The following CWC27 variants were observed in gnomAD, a reference collection of about 807,000 sequenced individuals.
The protein encoded by CWC27 is CWC27 spliceosome associated cyclophilin.
CWC27 carries 47 observed loss-of-function variants against 63.6 expected under a neutral mutation model. That is an observed-to-expected ratio of 0.74 (90% CI 0.58 to 0.94). CWC27 has a LOEUF of 0.94. Among genes scored for constraint, CWC27 ranks in the 40% least tolerant of loss-of-function variants. The pLI, the probability that CWC27 is intolerant of heterozygous loss-of-function variation, is 0.00. For synonymous variants in CWC27, 175 were observed against 179.8 expected (o/e 0.97, Z 0.22); for missense variants, 495 against 554.3 (o/e 0.89, Z 1.07).
intron 11 of CWC27, among the ~76,000 whole-genome samples, chr5:64,963,139 T>A (rs781482827): frequency 1.9e-4 from 29 of 151,984 alleles, no homozygotes; most frequent in East Asian, 5.8e-4. Flanking sequence ...TTTTTGTATT[T>A]TTAGTAGAGA....
At chr5:64,804,208 A>C in intron 9 of CWC27, 21 bp from the exon 10 acceptor site, 14 of 1,572,002 alleles carry the variant, frequency 8.9e-6, no homozygotes, top group Non-Finnish European at 1.2e-5. Context: ...CCTGGCAAAT[A>C]CTCATTTTCC....
At chr5:64,885,616 G>T in intron 11 of CWC27, 70 bp downstream of exon 11, 1 of 1,107,250 alleles carries the variant, frequency 9.0e-7, no homozygotes, top group Non-Finnish European at 1.3e-6. Context: ...GCTCCTCCCT[G>T]CCCGCTCCCG....
chr5:64,896,701 G>C (rs1211353503), intron 11 of CWC27, among the ~76,000 whole-genome samples: 1 of 150,688 alleles, frequency 6.6e-6, no homozygotes, highest in Non-Finnish European at 1.5e-5. Flanking sequence ...ACCCAAAGGG[G>C]ATAAGAAAGG....
intron 10 of CWC27, among the ~76,000 whole-genome samples, chr5:64,812,712 C>T (rs1403358442): frequency 6.6e-6 from 1 of 151,982 alleles, no homozygotes; most frequent in Non-Finnish European, 1.5e-5. Flanking sequence ...TTCGTGTTCC[C>T]AGCCACTGTG....
chr5:64,860,386 AC>A (rs1229136096), intron 10 of CWC27, among the ~76,000 whole-genome samples: 1 of 152,160 alleles, frequency 6.6e-6, no homozygotes, highest in Non-Finnish European at 1.5e-5. Flanking sequence ...GCTTTTGTCT[AC>A]CCCGACTGTT....
In CWC27 at chr5:64,824,728, CTTTTTTTTTTT is replaced by C. The variant is rs768576527; in HGVS notation, c.938+20354_938+20364del. Among the ~76,000 whole-genome samples the C allele has an allele frequency of 2.0e-4, 18 of 91,982 alleles. No homozygotes were observed. In the East Asian group the frequency reaches 2.2e-3, roughly 11 times the overall value. The allele number at this position is 91,982 out of a possible 152,430, so 60.3% of individuals were successfully genotyped here. On this transcript the variant is annotated intron_variant, in intron 10 of 13. Transcript: ENST00000381070. Reference sequence around the variant, plus strand: ...CAGGGGAAGTGTTCCTTTCTTTTCTCTTTTTTTTTTTTTTTTTTTTTTGAGATGGAGTCTCA... The same window carrying C: ...CAGGGGAAGTGTTCCTTTCTTTTCTCTTTTTTTTTTTGAGATGGAGTCTCA...
intron 10 of CWC27, chr5:64,807,844 C>A: frequency 6.6e-7 from 1 of 1,522,638 alleles, no homozygotes; most frequent in Non-Finnish European, 8.8e-7. Context: ...TTCTCTTCCC[C>A]GCTTCGAGAG....
intron 4 of CWC27, 105 bp from the exon 5 acceptor site, chr5:64,785,376 A>G: frequency 3.9e-6 from 2 of 518,828 alleles, no homozygotes; most frequent in Non-Finnish European, 6.5e-6. Context: ...ATGTAATCAC[A>G]TGAAATTTTC....
intron 11 of CWC27, among the ~76,000 whole-genome samples, chr5:64,949,224 AAAC>A (rs1748653078): frequency 6.6e-6 from 1 of 152,050 alleles, no homozygotes; most frequent in Non-Finnish European, 1.5e-5. Flanking sequence ...TTTTAGAGAC[AAAC>A]AACATTTATC....
chr5:64,899,569 G>A (rs1747455679), intron 11 of CWC27, among the ~76,000 whole-genome samples: 2 of 152,162 alleles, frequency 1.3e-5, no homozygotes, highest in African/African-American at 4.8e-5. Flanking sequence ...TTTCAGATAA[G>A]AGCTATGAAC....
At chr5:64,923,363 G>A (rs1422914389) in intron 11 of CWC27, among the ~76,000 whole-genome samples, 3 of 151,840 alleles carry the variant, frequency 2.0e-5, no homozygotes, top group African/African-American at 7.3e-5. Flanking sequence ...AGACAGTCGG[G>A]CTCCCTCCAG....
intron 13 of CWC27, among the ~76,000 whole-genome samples, chr5:65,004,861 CAT>C (rs1170127729): frequency 0.039 from 1,741 of 44,994 alleles, 49 homozygotes; most frequent in Middle Eastern, 0.075. Context: ...AAGACTTTTT[CAT>C]ATATATATAT....
chr5:64,823,646 C>T (rs553659175), intron 10 of CWC27, among the ~76,000 whole-genome samples: 13 of 152,240 alleles, frequency 8.5e-5, no homozygotes, highest in Middle Eastern at 3.4e-3. Flanking sequence ...GAAAGTAATA[C>T]ATTAAAAAGT....
chr5:64,994,234 A>G (rs1222436280), intron 13 of CWC27, among the ~76,000 whole-genome samples: 2 of 152,124 alleles, frequency 1.3e-5, no homozygotes, highest in African/African-American at 4.8e-5. Flanking sequence ...GAATCATGCC[A>G]TACCTCCTTT....
intron 13 of CWC27, among the ~76,000 whole-genome samples, chr5:64,981,893 C>G (rs1749336186): frequency 6.6e-6 from 1 of 152,202 alleles, no homozygotes; most frequent in South Asian, 2.1e-4. Flanking sequence ...AATTCTCCTT[C>G]TACGATAACC....
intron 10 of CWC27, among the ~76,000 whole-genome samples, chr5:64,865,306 G>A (rs1184196244): frequency 6.6e-6 from 1 of 152,050 alleles, no homozygotes; most frequent in Non-Finnish European, 1.5e-5. Context: ...AGTGGAGTGA[G>A]CCCAAATGGC....
At chr5:64,872,354 G>C (rs570008613) in intron 10 of CWC27, among the ~76,000 whole-genome samples, 24 of 152,276 alleles carry the variant, frequency 1.6e-4, no homozygotes, top group Non-Finnish European at 2.2e-4. Context: ...TTCAATGTCT[G>C]TACCTGCACT....
intron 10 of CWC27, among the ~76,000 whole-genome samples, chr5:64,857,672 C>G (rs1746287397): frequency 2.0e-5 from 3 of 152,076 alleles, no homozygotes; most frequent in African/African-American, 4.8e-5. Flanking sequence ...AGGGACAGAT[C>G]CAAGTCTCCT....
At chr5:64,947,117 A>G (rs1227771879) in intron 11 of CWC27, among the ~76,000 whole-genome samples, 2 of 152,124 alleles carry the variant, frequency 1.3e-5, no homozygotes, top group African/African-American at 4.8e-5. Context: ...TATTCCAACC[A>G]TATTTCCATG....
Sources: gnomAD v4.1 joint callset for allele counts (sites outside exome capture counted in the v4.1 genomes callset) on GRCh38, gnomAD v4.1.1 for gene constraint, MANE v1.5 for transcripts, NCBI Gene and HGNC (gene_info 2026-07-23, HGNC 2026-07-21) for gene names.